The following HACE1 variants were observed in gnomAD, a reference collection of about 807,000 sequenced individuals.
HACE1 encodes the protein HECT domain and ankyrin repeat containing E3 ubiquitin protein ligase 1.
HACE1 carries 73 observed loss-of-function variants against 118.4 expected under a neutral mutation model. The observed-to-expected ratio is 0.62, with a 90% confidence interval of 0.51 to 0.75. The LOEUF is 0.75. HACE1 is among the 30% of genes least tolerant of loss of function. The probability of loss-of-function intolerance (pLI) is 0.00; values close to 1 mark genes in which losing one functional copy is unlikely to be tolerated. For synonymous variants in HACE1, 368 were observed against 374.8 expected, an observed-to-expected ratio of 0.98 and a Z score of 0.21; for missense variants, 749 against 1,102.2, an observed-to-expected ratio of 0.68 and a Z score of 4.54.
chr6:104,783,666 T>A (rs1782002645), intron 14 of HACE1, among the ~76,000 whole-genome samples: 1 of 152,144 alleles, frequency 6.6e-6, no homozygotes. Context: ...GTCAAATAAG[T>A]TAGGAGGATT....
At chr6:104,747,614 G>A (rs1777573328) in intron 20 of HACE1, among the ~76,000 whole-genome samples, 1 of 151,832 alleles carries the variant, frequency 6.6e-6, no homozygotes, top group Non-Finnish European at 1.5e-5. Flanking sequence ...AACAGTGATG[G>A]TATCTGGGGT....
Position 104,796,768 on chromosome 6 carries a change from A to T in HACE1, c.715-12T>A. On this transcript the variant is annotated splice_polypyrimidine_tract_variant and intron_variant, in intron 8 of 23. Coordinates refer to ENST00000262903, the MANE Select transcript of HACE1 (RefSeq NM_020771.4). Reference sequence around the variant, plus strand: ...TCTCCATATCCACCCTAAAAACAAGATCTAAAATTATCCAGGTTTAAAAAC... The same window carrying T: ...TCTCCATATCCACCCTAAAAACAAGTTCTAAAATTATCCAGGTTTAAAAAC... The T allele has an allele frequency of 7.0e-7, 1 of 1,432,698 alleles. No individual in the cohort carries two copies. Among genetic ancestry groups the T allele is most frequent in the Non-Finnish European group, 9.8e-7 (1 of 1,015,784 alleles). 88.7% of individuals were successfully genotyped at this position (1,432,698 alleles called of 1,614,324 possible). A position where few individuals can be genotyped will look rare whatever the true frequency, so the allele number is the denominator to read the frequency against.
Position 104,785,302 on chromosome 6 carries a change from C to T in HACE1, c.1092G>A (p.Trp364Ter). ...AAACTAGCCATTCATCTAACGAGTGCCAAAGCAATTCCAGAGGCTGAGAGA... is the reference window on the plus strand; with the variant it reads ...AAACTAGCCATTCATCTAACGAGTGTCAAAGCAATTCCAGAGGCTGAGAGA... Reference protein sequence around the residue: ...SQVFKPLELLWHSLDEWLVLI... With the variant: ...SQVFKPLELL The change falls in exon 12 of 24, where the codon TGG (tryptophan) becomes TGA (stop). Residue 364 changes from tryptophan (W) to a stop codon, truncating the protein, a stop_gained. Coordinates refer to ENST00000262903, the MANE Select transcript of HACE1 (RefSeq NM_020771.4). LOFTEE classifies it high-confidence loss of function. 1 of 1,602,174 alleles carries T rather than the reference C, an allele frequency of 6.2e-7. No individual in the cohort carries two copies. The highest frequency in any genetic ancestry group is 8.5e-7 in the Non-Finnish European group (1 of 1,170,170).
At chr6:104,743,322 A>T (rs1281415325) in intron 22 of HACE1, among the ~76,000 whole-genome samples, 6 of 151,850 alleles carry the variant, frequency 4.0e-5, no homozygotes, top group Non-Finnish European at 8.8e-5. Context: ...TAATAAAAAA[A>T]AATTATATAT....
In HACE1 at chr6:104,774,282, G is replaced by T. The variant is rs1338338736; in HGVS notation, c.1865-2208C>A. Among the ~76,000 whole-genome samples the T allele has an allele frequency of 1.5e-4, 19 of 130,356 alleles. 1 individual carries two copies. Among genetic ancestry groups the T allele is most frequent in the Non-Finnish European group, 3.2e-5 (2 of 63,034 alleles). The allele number at this position is 130,356 out of a possible 152,430, so 85.5% of individuals were successfully genotyped here. On this transcript the variant is annotated intron_variant, in intron 17 of 23. Transcript: ENST00000262903. The stretch of plus-strand genomic sequence containing the variant: ...TTTTTTTGTATTTTTAGTAGAGACG[G>T]GGTTTCACCGTTTTAGCCGGGATGG...
chr6:104,744,075 A>G (rs1220891625), intron 22 of HACE1, 85 bp downstream of exon 22: 2 of 829,786 alleles, frequency 2.4e-6, no homozygotes, highest in Non-Finnish European at 2.1e-6. Context: ...ATTCAGAGTA[A>G]TAATTCCTTA....
intron 6 of HACE1, among the ~76,000 whole-genome samples, chr6:104,824,223 T>A (rs1180759916): frequency 6.6e-6 from 1 of 152,176 alleles, no homozygotes; most frequent in African/African-American, 2.4e-5. Context: ...TAATCCAGAG[T>A]AACAATATTT....
At chr6:104,845,227 T>G (rs534769258) in intron 4 of HACE1, among the ~76,000 whole-genome samples, 1 of 152,160 alleles carries the variant, frequency 6.6e-6, no homozygotes, top group East Asian at 1.9e-4. Flanking sequence ...CCATGGATTA[T>G]ATCATATTTC....
At chr6:104,803,500 A>C (rs181684167) in intron 7 of HACE1, among the ~76,000 whole-genome samples, 189 of 152,342 alleles carry the variant, frequency 1.2e-3, no homozygotes, top group African/African-American at 4.4e-3. Context: ...GCAGCATATC[A>C]AAAAGCTTAT....
intron 14 of HACE1, among the ~76,000 whole-genome samples, chr6:104,777,950 G>C (rs1215422142): frequency 1.3e-5 from 2 of 152,058 alleles, no homozygotes; most frequent in Non-Finnish European, 2.9e-5. Context: ...AGTAGAGAGA[G>C]GTTTCACCAT....
At chr6:104,749,701 C>A (rs1264850105) in intron 20 of HACE1, among the ~76,000 whole-genome samples, 1 of 151,910 alleles carries the variant, frequency 6.6e-6, no homozygotes, top group East Asian at 1.9e-4. Context: ...AAAAATAATT[C>A]TCCAAATTAC....
At chr6:104,739,293 C>T (rs1161764888) in intron 22 of HACE1, among the ~76,000 whole-genome samples, 1 of 152,126 alleles carries the variant, frequency 6.6e-6, no homozygotes, top group African/African-American at 2.4e-5. Flanking sequence ...ATCATACTGA[C>T]AGGATCAAAT....
intron 1 of HACE1, among the ~76,000 whole-genome samples, chr6:104,856,230 C>T (rs1171243841): frequency 6.6e-6 from 1 of 152,054 alleles, no homozygotes; most frequent in Non-Finnish European, 1.5e-5. Flanking sequence ...CAAAACCCAA[C>T]TGTTAACAAA....
At chr6:104,745,247 G>C (rs1777290262) in intron 20 of HACE1, among the ~76,000 whole-genome samples, 1 of 152,018 alleles carries the variant, frequency 6.6e-6, no homozygotes, top group African/African-American at 2.4e-5. Flanking sequence ...GATCATCAAA[G>C]ACACAAAATC....
At chr6:104,812,221 G>A (rs144639270) in intron 6 of HACE1, among the ~76,000 whole-genome samples, 1 of 152,168 alleles carries the variant, frequency 6.6e-6, no homozygotes, top group Non-Finnish European at 1.5e-5. Context: ...GGCAATAGGT[G>A]GCTTGAGGCC....
chr6:104,750,507 A>G (rs760409587), intron 19 of HACE1, 35 bp from the exon 20 acceptor site: 1 of 1,594,842 alleles, frequency 6.3e-7, no homozygotes, highest in East Asian at 2.2e-5. Context: ...TGACTTTTCA[A>G]AAACCTTTTA....
chr6:104,833,236 A>C lies in HACE1; in HGVS notation c.403-63T>G, dbSNP rs968342646. The C allele has an allele frequency of 1.8e-5, 25 of 1,427,298 alleles. No homozygotes were observed. In the African/African-American group the frequency reaches 3.5e-4, roughly 20 times the overall value. The allele number at this position is 1,427,298 out of a possible 1,614,324, so 88.4% of individuals were successfully genotyped here. On this transcript the variant is annotated intron_variant, in intron 5 of 23. Transcript: ENST00000262903. ...GTGTTTTATATAAAAACAGCAGATA[A>C]ATAATGTTATTTCTCAGCTGGGCGT...
chr6:104,841,557 G>A (rs1343945079), intron 5 of HACE1, among the ~76,000 whole-genome samples: 1 of 152,056 alleles, frequency 6.6e-6, no homozygotes, highest in Non-Finnish European at 1.5e-5. Context: ...ATTTTTACAG[G>A]AATTGTAGAT....
chr6:104,859,665 C>T lies in HACE1; in HGVS notation c.-23G>A, dbSNP rs1777120832. On this transcript the variant is annotated 5_prime_UTR_variant, in exon 1 of 24. Coordinates refer to ENST00000262903, the MANE Select transcript of HACE1 (RefSeq NM_020771.4). ...CATCCTCGGCGCGCCCTCCGCGATC[C>T]TCCGCGATCAGCCGCCCCACCGGCG... 2 of 1,527,306 alleles carry T rather than the reference C, an allele frequency of 1.3e-6. No homozygotes were observed. The highest frequency in any genetic ancestry group is 1.8e-6 in the Non-Finnish European group (2 of 1,140,396). 94.6% of individuals were successfully genotyped at this position (1,527,306 alleles called of 1,614,324 possible).
Sources: allele counts gnomAD v4.1 joint callset (sites outside exome capture counted in the v4.1 genomes callset), GRCh38; gene constraint gnomAD v4.1.1; transcripts MANE v1.5; gene names NCBI Gene and HGNC (gene_info 2026-07-23, HGNC 2026-07-21).